Variants in PTPRG observed in about 807,000 individuals in gnomAD.
The protein encoded by PTPRG is protein tyrosine phosphatase receptor type G, also known as receptor-type tyrosine-protein phosphatase gamma.
A neutral mutation model predicts 165.3 loss-of-function variants in PTPRG; 102 were observed. The observed-to-expected ratio is 0.62, with a 90% CI of 0.53 to 0.73. The LOEUF (loss-of-function observed/expected upper bound fraction) is 0.73. PTPRG is among the 30% of genes least tolerant of loss of function. The pLI is 0.00. For synonymous variants in PTPRG, 675 were observed against 669.5 expected (o/e 1.01, Z -0.13); for missense variants, 1,866 against 1,861.4 (o/e 1.00, Z -0.05).
At chr3:61,724,478 T>C (rs946854354) in intron 1 of PTPRG, among the ~76,000 whole-genome samples, 1 of 152,138 alleles carries the variant, frequency 6.6e-6, no homozygotes, top group African/African-American at 2.4e-5. Context: ...TGGATGATCA[T>C]AAGTTTTCAC....
intron 2 of PTPRG, among the ~76,000 whole-genome samples, chr3:61,987,572 C>A (rs1211449192): frequency 6.6e-6 from 1 of 152,118 alleles, no homozygotes; most frequent in Non-Finnish European, 1.5e-5. Flanking sequence ...TGTCCCATAT[C>A]ATTTTTCTCT....
intron 5 of PTPRG, among the ~76,000 whole-genome samples, chr3:62,096,598 T>C (rs1439174571): frequency 6.6e-6 from 1 of 152,208 alleles, no homozygotes. Flanking sequence ...CTGCTTTCCA[T>C]TGTAAATGTT....
At chr3:61,699,418 C>T (rs950589294) in intron 1 of PTPRG, among the ~76,000 whole-genome samples, 9 of 152,122 alleles carry the variant, frequency 5.9e-5, no homozygotes, top group Non-Finnish European at 8.8e-5. Flanking sequence ...CCTTGCACCT[C>T]CTGAAAGTAT....
chr3:62,133,227 A>C (rs1425011630), intron 6 of PTPRG, among the ~76,000 whole-genome samples: 7 of 152,196 alleles, frequency 4.6e-5, no homozygotes, highest in Non-Finnish European at 1.0e-4. Context: ...TATTGGAAGA[A>C]TTTCCCTGCA....
At chr3:62,284,059 A>G (rs1168188847) in intron 28 of PTPRG, among the ~76,000 whole-genome samples, 2 of 152,100 alleles carry the variant, frequency 1.3e-5, no homozygotes, top group Admixed American at 1.3e-4. Flanking sequence ...GCATAAAGTT[A>G]GGGCATTTTC....
rs138176669 is a variant in PTPRG at position 62,069,109 on chromosome 3, T to C, written c.520-9054T>C. Among the ~76,000 whole-genome samples, 814 of 152,358 alleles carry C rather than the reference T, an allele frequency of 5.3e-3. 10 individuals carry two copies. The highest frequency in any genetic ancestry group is 0.018 in the African/African-American group (748 of 41,580). ...CTGTGGAAATGGTTTATTTGAACCT[T>C]ACTTTAAGTATCCCTTCTGGTCATG... On this transcript the variant is annotated intron_variant, in intron 4 of 29. Coordinates refer to ENST00000474889, the MANE Select transcript of PTPRG (RefSeq NM_002841.4).
intron 1 of PTPRG, among the ~76,000 whole-genome samples, chr3:61,573,184 T>C (rs1273686249): frequency 6.6e-6 from 1 of 152,112 alleles, no homozygotes; most frequent in Non-Finnish European, 1.5e-5. Flanking sequence ...TTTTGAAAAA[T>C]CGCTCATTTA....
chr3:61,863,882 A>G (rs1321511523), intron 2 of PTPRG, among the ~76,000 whole-genome samples: 1 of 152,196 alleles, frequency 6.6e-6, no homozygotes, highest in Non-Finnish European at 1.5e-5. Flanking sequence ...CCTAGTATGA[A>G]CGTCAGTGTT....
At chr3:61,620,022 A>G (rs1701407043) in intron 1 of PTPRG, among the ~76,000 whole-genome samples, 1 of 152,120 alleles carries the variant, frequency 6.6e-6, no homozygotes, top group African/African-American at 2.4e-5. Context: ...TAGAGCCACT[A>G]CTGCTTCATT....
chr3:61,567,061 A>T (rs889092269), intron 1 of PTPRG, among the ~76,000 whole-genome samples: 1 of 152,226 alleles, frequency 6.6e-6, no homozygotes, highest in African/African-American at 2.4e-5. Context: ...TGGTGCCCAG[A>T]AATTAGCCCT....
intron 2 of PTPRG, among the ~76,000 whole-genome samples, chr3:61,976,189 A>T (rs755319079): frequency 1.2e-4 from 19 of 152,246 alleles, no homozygotes; most frequent in Non-Finnish European, 2.4e-4. Context: ...ATGAGGATTC[A>T]TAATAGATTG....
intron 2 of PTPRG, among the ~76,000 whole-genome samples, chr3:61,817,211 A>AAT (rs1420147181): frequency 1.4e-5 from 2 of 139,594 alleles, no homozygotes; most frequent in Non-Finnish European, 3.0e-5. Flanking sequence ...ATAATATAAT[A>AAT]ATATATATAA....
intron 28 of PTPRG, among the ~76,000 whole-genome samples, chr3:62,291,132 C>T (rs574854381): frequency 6.6e-6 from 1 of 152,242 alleles, no homozygotes; most frequent in East Asian, 1.9e-4. Context: ...GACATTCAGC[C>T]TCCCTGGTAA....
Position 62,213,837 on chromosome 3 carries a change from G to C in PTPRG, c.2156-5014G>C, listed in dbSNP as rs1559660099. ...GTTGTAGTAGTCCTAGCAGCTTGCT[G>C]TTTTATTAGGGCCACAAATTGAGTC... On this transcript the variant is annotated intron_variant, in intron 12 of 29. Transcript: ENST00000474889. This position sits in a 1 kb window ranked among gnomAD's most constrained non-coding sequence, Gnocchi z 4.4. Among the ~76,000 whole-genome samples, 2 of 152,148 alleles carry C rather than the reference G, an allele frequency of 1.3e-5. No homozygotes were observed. The highest frequency in any genetic ancestry group is 2.9e-5 in the Non-Finnish European group (2 of 68,018).
At chr3:62,011,277 G>T (rs2041417562) in intron 4 of PTPRG, among the ~76,000 whole-genome samples, 1 of 152,226 alleles carries the variant, frequency 6.6e-6, no homozygotes, top group African/African-American at 2.4e-5. Flanking sequence ...TCTGCACAAA[G>T]TATCTGGTGT....
intron 1 of PTPRG, among the ~76,000 whole-genome samples, chr3:61,734,874 A>G (rs1221862137): frequency 6.6e-6 from 1 of 152,218 alleles, no homozygotes; most frequent in African/African-American, 2.4e-5. Flanking sequence ...GGGGGGGAAT[A>G]ATACTGAACT....
At chr3:62,149,458 G>C (rs1704245650) in intron 6 of PTPRG, among the ~76,000 whole-genome samples, 1 of 152,150 alleles carries the variant, frequency 6.6e-6, no homozygotes, top group East Asian at 1.9e-4. Flanking sequence ...ATCTTTAGAT[G>C]TGGTTTCGCC....
intron 12 of PTPRG, among the ~76,000 whole-genome samples, chr3:62,204,756 G>A (rs1700185191): frequency 6.6e-6 from 1 of 152,132 alleles, no homozygotes; most frequent in African/African-American, 2.4e-5. Flanking sequence ...CATTGCTGTG[G>A]GAATGAGCCA....
intron 2 of PTPRG, among the ~76,000 whole-genome samples, chr3:61,883,502 A>C (rs974344496): frequency 3.3e-5 from 5 of 152,192 alleles, no homozygotes; most frequent in Non-Finnish European, 7.3e-5. Context: ...TAGTAATTCA[A>C]AACTCCTCTC....
Sources: gnomAD v4.1 joint callset for allele counts (sites outside exome capture counted in the v4.1 genomes callset) on GRCh38, gnomAD v4.1.1 for gene constraint, Gnocchi (gnomAD v3.1) non-coding constraint, MANE v1.5 for transcripts, NCBI Gene and HGNC (gene_info 2026-07-23, HGNC 2026-07-21) for gene names.